Variants in SH3D19 observed in about 807,000 individuals in gnomAD.
The protein encoded by SH3D19 is SH3 domain-containing protein 19.
In SH3D19, 58 loss-of-function variants were observed where a neutral mutation model predicts 112.1. The ratio of observed to expected loss-of-function variants is 0.52; its 90% CI spans 0.42 to 0.64. The LOEUF is 0.64. Among genes scored for constraint, SH3D19 ranks in the 30% least tolerant of loss-of-function variants. The pLI is 0.00. For synonymous variants in SH3D19, 391 were observed against 448.5 expected (o/e 0.87, Z 1.62); for missense variants, 1,090 against 1,263.4 (o/e 0.86, Z 2.08).
At chr4:151,154,868 C>T (rs1755781365) in intron 9 of SH3D19, among the ~76,000 whole-genome samples, 1 of 152,142 alleles carries the variant, frequency 6.6e-6, no homozygotes, top group Non-Finnish European at 1.5e-5. Flanking sequence ...GGCGATTCTC[C>T]TGCCTCAGCC....
chr4:151,325,435 G>A lies in SH3D19; in HGVS notation c.-83C>T. ...AGAACGCCTGCACCCGGCGCCCCACGCCACCGCCCTCGGGCCGGGGGGAAG... is the reference window on the plus strand; with the variant it reads ...AGAACGCCTGCACCCGGCGCCCCACACCACCGCCCTCGGGCCGGGGGGAAG... On this transcript the variant is annotated 5_prime_UTR_variant, in exon 1 of 20. Transcript: ENST00000604030. 1.5e-6 allele frequency: 1 copy of A among 653,318 alleles called. No homozygotes were observed. Among genetic ancestry groups the A allele is most frequent in the Non-Finnish European group, 2.1e-6 (1 of 476,496 alleles). The allele number at this position is 653,318 out of a possible 1,614,324, so 40.5% of individuals were successfully genotyped here.
chr4:151,315,566 G>T (rs1729902632), intron 1 of SH3D19, among the ~76,000 whole-genome samples: 1 of 152,168 alleles, frequency 6.6e-6, no homozygotes, highest in Non-Finnish European at 1.5e-5. Context: ...GACAGAATTA[G>T]GATGGAGAAA....
intron 2 of SH3D19, among the ~76,000 whole-genome samples, chr4:151,211,563 G>A (rs1369769045): frequency 7.9e-5 from 11 of 138,774 alleles, no homozygotes; most frequent in Admixed American, 3.2e-4. Context: ...CACACATTTA[G>A]CAAATCTGTT....
intron 1 of SH3D19, among the ~76,000 whole-genome samples, chr4:151,238,970 A>G (rs960951319): frequency 6.6e-6 from 1 of 152,154 alleles, no homozygotes; most frequent in Non-Finnish European, 1.5e-5. Context: ...AGAATGTTCA[A>G]TTGTTTCATT....
chr4:151,156,768 TAACAC>T (rs945328662), intron 9 of SH3D19, among the ~76,000 whole-genome samples: 1 of 152,124 alleles, frequency 6.6e-6, no homozygotes, highest in Non-Finnish European at 1.5e-5. Flanking sequence ...ATTTTATGAA[TAACAC>T]CTCAAAAGCA....
chr4:151,253,433 G>C (rs899678102), intron 1 of SH3D19, among the ~76,000 whole-genome samples: 1 of 152,148 alleles, frequency 6.6e-6, no homozygotes, highest in Non-Finnish European at 1.5e-5. Flanking sequence ...AAGTATCTAA[G>C]CCTGTTATTA....
chr4:151,241,452 G>A (rs1770550418), intron 1 of SH3D19, among the ~76,000 whole-genome samples: 1 of 151,846 alleles, frequency 6.6e-6, no homozygotes, highest in Non-Finnish European at 1.5e-5. Context: ...AAGGAGTGAA[G>A]GCTAAAACGT....
chr4:151,189,305 G>A (rs1448403573), intron 2 of SH3D19, among the ~76,000 whole-genome samples: 1 of 152,062 alleles, frequency 6.6e-6, no homozygotes, highest in East Asian at 1.9e-4. Context: ...AGTAGAGACA[G>A]GGTTTCACTG....
chr4:151,237,124 C>T (rs954317364), intron 1 of SH3D19, among the ~76,000 whole-genome samples: 8 of 152,134 alleles, frequency 5.3e-5, no homozygotes, highest in African/African-American at 1.4e-4. Context: ...AAGTCTGCAG[C>T]TTCACTCCTG....
At chr4:151,283,721 A>G (rs1774473385) in intron 1 of SH3D19, among the ~76,000 whole-genome samples, 1 of 151,954 alleles carries the variant, frequency 6.6e-6, no homozygotes, top group Admixed American at 6.6e-5. Context: ...ATGAGGTCTC[A>G]CTATGTTGCC....
intron 1 of SH3D19, among the ~76,000 whole-genome samples, chr4:151,295,483 A>C (rs1277983830): frequency 1.3e-5 from 2 of 152,158 alleles, no homozygotes; most frequent in Non-Finnish European, 2.9e-5. Context: ...TTACCAAGTG[A>C]CTTGAGAAAG....
At chr4:151,318,789 T>A (rs974041946) in intron 1 of SH3D19, among the ~76,000 whole-genome samples, 5 of 152,206 alleles carry the variant, frequency 3.3e-5, no homozygotes, top group Non-Finnish European at 7.3e-5. Flanking sequence ...GTTACGTAAC[T>A]TGTCCAAGGT....
rs1198210812 is a variant in SH3D19 at position 151,299,576 on chromosome 4, G to A, written c.112+25665C>T. Among the ~76,000 whole-genome samples, 63 of 47,826 alleles carry A rather than the reference G, an allele frequency of 1.3e-3. No homozygotes were observed. In the East Asian group the frequency reaches 0.016, roughly 12 times the overall value. The allele number at this position is 47,826 out of a possible 152,430, so 31.4% of individuals were successfully genotyped here. A position where few individuals can be genotyped will look rare whatever the true frequency, so the allele number is the denominator to read the frequency against. Reference sequence around the variant, plus strand: ...GCCTGGGCAACAAGAGCGAAACTCCGTCTCAAAAAAAAAAAAAAAAAAAAA... The same window carrying A: ...GCCTGGGCAACAAGAGCGAAACTCCATCTCAAAAAAAAAAAAAAAAAAAAA... On this transcript the variant is annotated intron_variant, in intron 1 of 19. Transcript: ENST00000604030.
At chr4:151,150,524 G>A (rs1413351205) in intron 9 of SH3D19, among the ~76,000 whole-genome samples, 1 of 151,726 alleles carries the variant, frequency 6.6e-6, no homozygotes, top group Non-Finnish European at 1.5e-5. Context: ...CTAGAAGGAG[G>A]TGGGAACGTA....
intron 1 of SH3D19, among the ~76,000 whole-genome samples, chr4:151,285,767 T>G (rs1774689003): frequency 6.6e-6 from 1 of 151,922 alleles, no homozygotes; most frequent in Non-Finnish European, 1.5e-5. Flanking sequence ...CTTAGGAGAC[T>G]GGGGCAGGAG....
rs114327268 is a variant in SH3D19, at chr4:151,259,126, G to A, written c.113-33040C>T. On this transcript the variant is annotated intron_variant, in intron 1 of 19. Transcript: ENST00000604030. Reference sequence around the variant, plus strand: ...TCATCCCACTGTACTTCTAGCCCAGGTAACAGAGTGAGACCTTGTCTCACT... The same window carrying A: ...TCATCCCACTGTACTTCTAGCCCAGATAACAGAGTGAGACCTTGTCTCACT... 6.5e-3 allele frequency among the ~76,000 whole-genome samples: 994 copies of A among 152,104 alleles called. 3 individuals carry two copies. The highest frequency in any genetic ancestry group is 0.014 in the Middle Eastern group (4 of 294).
At chr4:151,270,837 T>C (rs1452860072) in intron 1 of SH3D19, among the ~76,000 whole-genome samples, 1 of 152,252 alleles carries the variant, frequency 6.6e-6, no homozygotes, top group Non-Finnish European at 1.5e-5. Context: ...AAAAATTTCT[T>C]GTCCAAGTTC....
At chr4:151,204,932 T>C (rs1764885916) in intron 2 of SH3D19, among the ~76,000 whole-genome samples, 1 of 152,058 alleles carries the variant, frequency 6.6e-6, no homozygotes, top group South Asian at 2.1e-4. Context: ...GTGATTCTCC[T>C]GCCTCAGTCT....
In SH3D19 at chr4:151,200,396, T is replaced by C. The variant is rs541338137; in HGVS notation, c.153-12933A>G. Among the ~76,000 whole-genome samples the C allele has an allele frequency of 2.0e-3, 298 of 152,344 alleles. 1 individual carries two copies. Among genetic ancestry groups the C allele is most frequent in the African/African-American group, 6.8e-3 (283 of 41,580 alleles). ...GAAATTTTGCAAGCCAGTTGTTAAATATAACCATTATTAAAAATTAAGTTA... is the reference window on the plus strand; with the variant it reads ...GAAATTTTGCAAGCCAGTTGTTAAACATAACCATTATTAAAAATTAAGTTA... On this transcript the variant is annotated intron_variant, in intron 2 of 19. Coordinates refer to ENST00000604030, the MANE Select transcript of SH3D19 (RefSeq NM_001378122.1).
Sources: allele counts gnomAD v4.1 joint callset (sites outside exome capture counted in the v4.1 genomes callset), GRCh38; gene constraint gnomAD v4.1.1; transcripts MANE v1.5; gene names NCBI Gene and HGNC (gene_info 2026-07-23, HGNC 2026-07-21).